The following ATXN7 variants were observed in gnomAD, a reference collection of about 807,000 sequenced individuals.
The protein encoded by ATXN7 is ataxin 7, also known as ataxin-7.
ATXN7 carries 12 observed loss-of-function variants against 70.5 expected under a neutral mutation model. That is an observed-to-expected ratio of 0.17 (90% CI 0.11 to 0.28). ATXN7 has a LOEUF of 0.28. Ranked by LOEUF, ATXN7 falls within the 10% of genes least tolerant of loss-of-function variation. The probability of loss-of-function intolerance (pLI) is 1.00; values close to 1 mark genes in which losing one functional copy is unlikely to be tolerated. For synonymous variants in ATXN7, 498 were observed against 448.7 expected (o/e 1.11, Z -1.39); for missense variants, 1,256 against 1,131.7 (o/e 1.11, Z -1.58).
In ATXN7 at chr3:63,999,600, C is replaced by A. The variant is rs769181398; in HGVS notation, c.*133C>A. 12 of 1,490,942 alleles carry A rather than the reference C, an allele frequency of 8.0e-6. No homozygotes were observed. Among genetic ancestry groups the A allele is most frequent in the Non-Finnish European group, 1.1e-5 (12 of 1,090,122 alleles). The allele number at this position is 1,490,942 out of a possible 1,614,324, so 92.4% of individuals were successfully genotyped here. A position where few individuals can be genotyped will look rare whatever the true frequency, so the allele number is the denominator to read the frequency against. Reference sequence around the variant, plus strand: ...CTCCTGTGGGCCTCAAGGGTAGAAACCTGCCGGGCTGTTGTTTTAACGAGG... The same window carrying A: ...CTCCTGTGGGCCTCAAGGGTAGAAAACTGCCGGGCTGTTGTTTTAACGAGG... On this transcript the variant is annotated 3_prime_UTR_variant, in exon 13 of 13. Transcript: ENST00000674280.
intron 4 of ATXN7, among the ~76,000 whole-genome samples, chr3:63,951,741 AAAAC>A (rs1438101695): frequency 6.6e-5 from 10 of 152,294 alleles, no homozygotes; most frequent in African/African-American, 2.2e-4. Flanking sequence ...TCTTACTGTT[AAAAC>A]AAACAAACAG....
At chr3:63,880,604 T>C (rs1702880035) in intron 1 of ATXN7, among the ~76,000 whole-genome samples, 1 of 152,200 alleles carries the variant, frequency 6.6e-6, no homozygotes, top group Non-Finnish European at 1.5e-5. Context: ...CTTGCTGTTC[T>C]TCCTCAATGT....
At chr3:63,978,519 T>C (rs2075429440) in intron 5 of ATXN7, among the ~76,000 whole-genome samples, 1 of 152,192 alleles carries the variant, frequency 6.6e-6, no homozygotes, top group Admixed American at 6.5e-5. Flanking sequence ...AAACTAAATT[T>C]AAAAACATCT....
At chr3:63,928,050 A>T (rs1020137412) in intron 4 of ATXN7, among the ~76,000 whole-genome samples, 4 of 152,202 alleles carry the variant, frequency 2.6e-5, no homozygotes, top group Non-Finnish European at 4.4e-5. Context: ...CAAATACAAC[A>T]ATTAATTTTT....
Position 63,863,872 on chromosome 3 carries a change from G to A in ATXN7, c.-397G>A. 8.4e-7 allele frequency: 1 copy of A among 1,195,038 alleles called. No individual in the cohort carries two copies. The highest frequency in any genetic ancestry group is 1.0e-6 in the Non-Finnish European group (1 of 971,164). The allele number at this position is 1,195,038 out of a possible 1,614,324, so 74.0% of individuals were successfully genotyped here. A position where few individuals can be genotyped will look rare whatever the true frequency, so the allele number is the denominator to read the frequency against. ...GCGGCGGAGGTCAAACTCCCACAAT[G>A]CAGCCGGGTAAACAGCCATGGAGGA... is the stretch of plus-strand genomic sequence containing the variant. On this transcript the variant is annotated 5_prime_UTR_variant, in exon 1 of 13. The change abolishes an upstream ATG in the 5' untranslated region. Coordinates refer to ENST00000674280, the MANE Select transcript of ATXN7 (RefSeq NM_001377405.1).
intron 1 of ATXN7, among the ~76,000 whole-genome samples, chr3:63,890,160 C>T (rs1220594217): frequency 1.3e-5 from 2 of 152,134 alleles, no homozygotes; most frequent in Non-Finnish European, 2.9e-5. Flanking sequence ...GCATCCTAAG[C>T]AACTGTTTGT....
intron 2 of ATXN7, chr3:63,904,071 C>T (rs903549600): frequency 2.0e-5 from 3 of 152,176 alleles, no homozygotes; most frequent in East Asian, 1.9e-4. Flanking sequence ...GAGACCCCAT[C>T]GCATTCCTAA....
At chr3:63,946,642 CAAAAA>C (rs1201416885) in intron 4 of ATXN7, among the ~76,000 whole-genome samples, 1 of 75,474 alleles carries the variant, frequency 1.3e-5, no homozygotes. Flanking sequence ...GACTCTGTCT[CAAAAA>C]AAAAAAAAAA....
chr3:63,972,467 C>G lies in ATXN7; in HGVS notation c.500-7448C>G, dbSNP rs531348232. On this transcript the variant is annotated intron_variant, in intron 5 of 12. Transcript: ENST00000674280. ...ACACTCTGTTTAACCTTAACTGAGT[C>G]TATCTGAAAGTGTGAGTGAGTTTCA... 2.7e-4 allele frequency among the ~76,000 whole-genome samples: 41 copies of G among 152,276 alleles called. 1 individual carries two copies. In the South Asian group the frequency reaches 8.1e-3, roughly 30 times the overall value.
intron 8 of ATXN7, among the ~76,000 whole-genome samples, chr3:63,984,403 G>T (rs1463412423): frequency 6.6e-6 from 1 of 151,998 alleles, no homozygotes; most frequent in African/African-American, 2.4e-5. Flanking sequence ...GTGGTGTAGT[G>T]GTGGTGGTGT....
intron 11 of ATXN7, 139 bp downstream of exon 11, chr3:63,990,998 T>C (rs2075662935): frequency 8.7e-7 from 1 of 1,156,006 alleles, no homozygotes; most frequent in Non-Finnish European, 1.2e-6. Flanking sequence ...AGGTGCCTTG[T>C]CATTCATTCA....
intron 4 of ATXN7, among the ~76,000 whole-genome samples, chr3:63,937,077 T>G (rs1313002320): frequency 6.6e-6 from 1 of 152,212 alleles, no homozygotes; most frequent in Non-Finnish European, 1.5e-5. Context: ...ATTTTTGCTG[T>G]TCAGTTGCAT....
intron 4 of ATXN7, among the ~76,000 whole-genome samples, chr3:63,935,491 A>AT (rs1234641372): frequency 6.6e-6 from 1 of 152,160 alleles, no homozygotes; most frequent in Non-Finnish European, 1.5e-5. Flanking sequence ...CAGCTTTGAC[A>AT]TTAAGGAATG....
chr3:63,973,548 A>G (rs2075347479), intron 5 of ATXN7, among the ~76,000 whole-genome samples: 1 of 152,118 alleles, frequency 6.6e-6, no homozygotes, highest in Admixed American at 6.5e-5. Context: ...CACTCTGCAA[A>G]CCAGGGATGC....
chr3:63,954,585 A>G (rs984976543), intron 5 of ATXN7, among the ~76,000 whole-genome samples: 1 of 152,026 alleles, frequency 6.6e-6, no homozygotes, highest in Non-Finnish European at 1.5e-5. Flanking sequence ...TGGATTCCTT[A>G]GGCAGAAAGA....
chr3:63,955,899 G>T (rs1048613066), intron 5 of ATXN7, among the ~76,000 whole-genome samples: 2 of 152,190 alleles, frequency 1.3e-5, no homozygotes, highest in African/African-American at 4.8e-5. Flanking sequence ...ACATGCTACC[G>T]TGGCAGCAAG....
rs2075659355 is a variant in ATXN7, at chr3:63,990,776, T to C, written c.1599T>C (p.Tyr533=). The C allele has an allele frequency of 1.9e-6, 3 of 1,614,132 alleles. No individual in the cohort carries two copies. Among genetic ancestry groups the C allele is most frequent in the South Asian group, 2.2e-5 (2 of 91,070 alleles). The part of the protein sequence containing the change: ...TFGSRQIGRG[Y]YVFDSRWNRL... Reference sequence around the variant, plus strand: ...GGAGCCGGCAGATAGGAAGAGGCTATTACGTGTTTGACTCCAGGTGGAATC... The same window carrying C: ...GGAGCCGGCAGATAGGAAGAGGCTACTACGTGTTTGACTCCAGGTGGAATC... The change falls in exon 11 of 13, where the codon TAT becomes TAC. Residue 533 remains tyrosine (Y), a synonymous_variant. Transcript: ENST00000674280.
intron 5 of ATXN7, among the ~76,000 whole-genome samples, chr3:63,961,872 A>G (rs2075138566): frequency 6.6e-6 from 1 of 152,194 alleles, no homozygotes; most frequent in Non-Finnish European, 1.5e-5. Context: ...TTCGGGATAT[A>G]AATCCATATT....
At chr3:63,991,890 A>C (rs2075677560) in intron 11 of ATXN7, among the ~76,000 whole-genome samples, 2 of 151,986 alleles carry the variant, frequency 1.3e-5, no homozygotes, top group African/African-American at 4.8e-5. Context: ...TGTGCTTTGT[A>C]ACTCTTGAAG....
Sources: gnomAD v4.1 joint callset for allele counts (sites outside exome capture counted in the v4.1 genomes callset) on GRCh38, gnomAD v4.1.1 for gene constraint, MANE v1.5 for transcripts, NCBI Gene and HGNC (gene_info 2026-07-23, HGNC 2026-07-21) for gene names.